Variants in GSG1L observed in about 807,000 individuals in gnomAD.
GSG1L encodes GSG1 like.
In GSG1L, 24 loss-of-function variants were observed where a neutral mutation model predicts 42.1. That is an observed-to-expected ratio of 0.57 (90% CI 0.41 to 0.80). The LOEUF is 0.80. GSG1L is among the 30% of genes least tolerant of loss of function. The pLI is 0.00. For missense variants in GSG1L, 445 were observed against 472.2 expected, an observed-to-expected ratio of 0.94 and a Z score of 0.53; for synonymous variants, 215 against 203.5, an observed-to-expected ratio of 1.06 and a Z score of -0.48.
intron 3 of GSG1L, among the ~76,000 whole-genome samples, chr16:27,877,008 T>C (rs2083896311): frequency 6.6e-6 from 1 of 152,208 alleles, no homozygotes; most frequent in East Asian, 1.9e-4. Context: ...TGCAGGAATT[T>C]TCCGAACGAC....
chr16:28,053,256 T>C (rs2086238996), intron 1 of GSG1L, among the ~76,000 whole-genome samples: 1 of 152,242 alleles, frequency 6.6e-6, no homozygotes, highest in Admixed American at 6.5e-5. Flanking sequence ...ATGCCACGTT[T>C]GCTTAGAGTG....
At chr16:27,818,457 G>A (rs1297178944) in intron 5 of GSG1L, among the ~76,000 whole-genome samples, 2 of 152,058 alleles carry the variant, frequency 1.3e-5, no homozygotes, top group African/African-American at 4.8e-5. Flanking sequence ...TCTGGGCATC[G>A]CGTTCCTCTC....
At chr16:27,870,336 A>G (rs1215715612) in intron 3 of GSG1L, among the ~76,000 whole-genome samples, 1 of 119,448 alleles carries the variant, frequency 8.4e-6, no homozygotes, top group Non-Finnish European at 1.7e-5. Flanking sequence ...GTCTCCCTCC[A>G]TCTGTCTCTC....
chr16:27,846,888 CAG>C (rs1466752678), intron 3 of GSG1L, among the ~76,000 whole-genome samples: 1 of 146,356 alleles, frequency 6.8e-6, no homozygotes, highest in Non-Finnish European at 1.5e-5. Flanking sequence ...ACCTGGGAGG[CAG>C]AGCTTGCAGT....
At chr16:27,819,250 A>G (rs956801210) in intron 5 of GSG1L, among the ~76,000 whole-genome samples, 3 of 53,930 alleles carry the variant, frequency 5.6e-5, no homozygotes, top group Non-Finnish European at 1.2e-4. Flanking sequence ...CTCTGTCTTA[A>G]AAAAAAAAAA....
intron 2 of GSG1L, among the ~76,000 whole-genome samples, chr16:27,923,699 A>G (rs943819137): frequency 6.1e-5 from 9 of 147,532 alleles, no homozygotes; most frequent in African/African-American, 2.3e-4. Context: ...GAGCCACTGC[A>G]CTCCAGCCTG....
At chr16:28,042,783 A>C (rs1183507529) in intron 1 of GSG1L, among the ~76,000 whole-genome samples, 3 of 152,202 alleles carry the variant, frequency 2.0e-5, no homozygotes, top group Non-Finnish European at 4.4e-5. Flanking sequence ...TCATTCACGA[A>C]AGCATGTGTT....
chr16:27,918,484 C>T (rs190277959), intron 2 of GSG1L, among the ~76,000 whole-genome samples: 6 of 151,968 alleles, frequency 3.9e-5, no homozygotes, highest in Admixed American at 2.6e-4. Context: ...GTGGCAAAAC[C>T]CTGTCTATAC....
chr16:28,047,016 C>T (rs1356882194), intron 1 of GSG1L, among the ~76,000 whole-genome samples: 1 of 152,218 alleles, frequency 6.6e-6, no homozygotes, highest in Non-Finnish European at 1.5e-5. Context: ...ATCCTCTTCA[C>T]TGAATCCAGC....
intron 2 of GSG1L, among the ~76,000 whole-genome samples, chr16:27,921,273 C>T (rs770833386): frequency 1.3e-5 from 2 of 152,166 alleles, no homozygotes; most frequent in African/African-American, 2.4e-5. Context: ...TTCCCCACCG[C>T]ACCCCCAGTC....
chr16:27,913,986 AG>A (rs2141055327), intron 2 of GSG1L, among the ~76,000 whole-genome samples: 1 of 142,680 alleles, frequency 7.0e-6, no homozygotes, highest in African/African-American at 2.7e-5. Context: ...ATTTCCTTCC[AG>A]TTTTTTTTTT....
chr16:28,009,072 G>C (rs866367568), intron 1 of GSG1L, among the ~76,000 whole-genome samples: 2 of 152,202 alleles, frequency 1.3e-5, no homozygotes, highest in African/African-American at 2.4e-5. Context: ...GCCTCCCGAA[G>C]TACTGGGATT....
intron 2 of GSG1L, among the ~76,000 whole-genome samples, chr16:27,950,994 G>C (rs1056822134): frequency 1.3e-5 from 2 of 152,178 alleles, no homozygotes; most frequent in African/African-American, 4.8e-5. Flanking sequence ...TAGAAGATGA[G>C]CTCTTCAAGA....
chr16:27,956,163 T>C (rs1268691874), intron 2 of GSG1L, among the ~76,000 whole-genome samples: 2 of 152,254 alleles, frequency 1.3e-5, no homozygotes, highest in Non-Finnish European at 2.9e-5. Flanking sequence ...GAAGGTTTCA[T>C]GACTGTTAAT....
intron 1 of GSG1L, among the ~76,000 whole-genome samples, chr16:27,971,830 A>G (rs1429016269): frequency 6.6e-6 from 1 of 151,962 alleles, no homozygotes; most frequent in Admixed American, 6.6e-5. Context: ...TTCTATTCCT[A>G]CTTTGTTGAG....
At chr16:27,878,523 A>G (rs893457320) in intron 3 of GSG1L, among the ~76,000 whole-genome samples, 3 of 152,174 alleles carry the variant, frequency 2.0e-5, no homozygotes, top group Admixed American at 2.0e-4. Context: ...TTACAATTCA[A>G]GGTGAGATTT....
At chr16:27,917,214 G>C (rs1427620686) in intron 2 of GSG1L, among the ~76,000 whole-genome samples, 2 of 152,198 alleles carry the variant, frequency 1.3e-5, no homozygotes, top group African/African-American at 4.8e-5. Context: ...AGTATTTCCT[G>C]ATGGCCTGTT....
rs1597462432 is a variant in GSG1L, at chr16:27,805,705, G to T, written c.898+1782C>A. 3.0e-3 allele frequency among the ~76,000 whole-genome samples: 4 copies of T among 1,312 alleles called. 2 individuals are homozygous for T. The highest frequency in any genetic ancestry group is 6.2e-3 in the Non-Finnish European group (4 of 644). The allele number at this position is 1,312 out of a possible 152,430, so 0.9% of individuals were successfully genotyped here. A position where few individuals can be genotyped will look rare whatever the true frequency, so the allele number is the denominator to read the frequency against. On this transcript the variant is annotated intron_variant, in intron 6 of 6. Coordinates refer to ENST00000447459, the MANE Select transcript of GSG1L (RefSeq NM_001109763.2). ...TGGGATTGGGGGTGGGGGGAGGGCT[G>T]TGGGCACTGGGATTGGGGTGGGGGG...
In GSG1L at chr16:27,789,717, T is replaced by TGGATGATG. The variant is rs749215872; in HGVS notation, c.*1652_*1653insCATCATCC. The TGGATGATG allele has an allele frequency of 5.7e-5, 6 of 106,000 alleles. No homozygotes were observed. Among genetic ancestry groups the TGGATGATG allele is most frequent in the African/African-American group, 1.8e-4 (6 of 32,456 alleles). The allele number at this position is 106,000 out of a possible 1,614,324, so 6.6% of individuals were successfully genotyped here. A position where few individuals can be genotyped will look rare whatever the true frequency, so the allele number is the denominator to read the frequency against. ...ATGGATGGATGGATGGATGGATGGA[T>TGGATGATG]GATGGATGGATGGATGATGGATAGA... On this transcript the variant is annotated 3_prime_UTR_variant, in exon 7 of 7. Coordinates refer to ENST00000447459, the MANE Select transcript of GSG1L (RefSeq NM_001109763.2).
Sources: allele counts gnomAD v4.1 joint callset (sites outside exome capture counted in the v4.1 genomes callset), GRCh38; gene constraint gnomAD v4.1.1; transcripts MANE v1.5; gene names NCBI Gene and HGNC (gene_info 2026-07-23, HGNC 2026-07-21).